Variants in PHF8 observed in about 807,000 individuals in gnomAD.
PHF8 encodes PHD finger protein 8, also known as histone lysine demethylase PHF8.
In PHF8, 9 loss-of-function variants were observed where a neutral mutation model predicts 74.4. That is an observed-to-expected ratio of 0.12 (90% CI 0.07 to 0.21). PHF8 has a LOEUF of 0.21. Among genes scored for constraint, PHF8 ranks in the 10% least tolerant of loss-of-function variants. PHF8 has a pLI of 1.00. For synonymous variants in PHF8, 311 were observed against 316.6 expected, an observed-to-expected ratio of 0.98 and a Z score of 0.19; for missense variants, 478 against 816.6, an observed-to-expected ratio of 0.59 and a Z score of 5.05.
At position 53,944,158 on chromosome X, in the gene PHF8, T is replaced by C; in HGVS notation, c.2625A>G (p.Ala875=). The change falls in exon 20 of 22, where the codon GCA becomes GCG. Residue 875 remains alanine (A), a synonymous_variant. Coordinates refer to ENST00000338154, the MANE Select transcript of PHF8 (RefSeq NM_015107.3). ...CCTGCTGGGCCAGCTTTGCAGCTGC[T>C]GCAGCCAAACCTGTCTCAATAGAGG... is the stretch of plus-strand genomic sequence containing the variant. ...RVASIETGLA[A]AAAKLAQQEL... 1 of 1,205,410 alleles carries C rather than the reference T, an allele frequency of 8.3e-7. No individual in the cohort carries two copies.
Position 53,938,764 on chromosome X carries a change from T to A in PHF8, c.*394A>T. On this transcript the variant is annotated 3_prime_UTR_variant, in exon 22 of 22. Transcript: ENST00000338154. ...GATATAGGGCTAGAGTTGCAGAAAG[T>A]GTCAAGCACTGGGCTTCCCACTTCA... 1.3e-6 allele frequency: 1 copy of A among 773,431 alleles called. No individual in the cohort carries two copies. Among genetic ancestry groups the A allele is most frequent in the Non-Finnish European group, 1.5e-6 (1 of 652,289 alleles). The allele number at this position is 773,431 out of a possible 1,213,427, so 63.7% of individuals were successfully genotyped here.
chrX:53,947,588 G>C (rs1215415559), intron 19 of PHF8, among the ~76,000 whole-genome samples: 8 of 112,188 alleles, frequency 7.1e-5, no homozygotes, highest in Non-Finnish European at 1.5e-4. Context: ...TTTTGTATGT[G>C]TGGTGGTTTT....
intron 4 of PHF8, 62 bp downstream of exon 4, chrX:54,022,197 A>T (rs2066189267): frequency 1.5e-6 from 1 of 646,502 alleles, no homozygotes; most frequent in Non-Finnish European, 2.6e-6. Context: ...AGCTGGGAAG[A>T]GGTGAGTTCC....
intron 20 of PHF8, chrX:53,942,756 C>G: frequency 1.3e-6 from 1 of 752,805 alleles, no homozygotes. Context: ...GGTAAGGGAT[C>G]TGATAGGGTA....
chrX:54,023,579 C>T (rs1300256237), intron 2 of PHF8, among the ~76,000 whole-genome samples: 1 of 109,329 alleles, frequency 9.1e-6, no homozygotes, highest in African/African-American at 3.3e-5. Flanking sequence ...TAAAATTAAA[C>T]ACCTAGGCCA....
chrX:54,041,975 A>C (rs1309564015), intron 2 of PHF8, among the ~76,000 whole-genome samples: 14 of 112,220 alleles, frequency 1.2e-4, no homozygotes, highest in African/African-American at 4.5e-4. Flanking sequence ...TTTTCCCAAA[A>C]GCCAGTGTGT....
intron 20 of PHF8, among the ~76,000 whole-genome samples, chrX:53,942,388 G>A (rs1335994094): frequency 8.9e-6 from 1 of 112,146 alleles, no homozygotes; most frequent in Admixed American, 9.5e-5. Context: ...TTGCCCAAAT[G>A]GTAGAACTAT....
At chrX:53,993,073 G>C (rs972892552) in intron 13 of PHF8, 2 of 400,159 alleles carry the variant, frequency 5.0e-6, no homozygotes, top group Non-Finnish European at 8.8e-6. Flanking sequence ...TAAAAAAGAG[G>C]GGGCACATCT....
intron 1 of PHF8, chrX:54,043,062 T>G: frequency 7.5e-6 from 3 of 402,612 alleles, no homozygotes; most frequent in Non-Finnish European, 7.3e-6. Context: ...CCCCACCTTC[T>G]TCGGCCCCGT....
At chrX:53,985,490 C>T (rs2065548389) in intron 17 of PHF8, among the ~76,000 whole-genome samples, 2 of 111,547 alleles carry the variant, frequency 1.8e-5, no homozygotes, top group Admixed American at 1.9e-4. Context: ...GCACACTTCC[C>T]TCCCTGTTTA....
chrX:54,031,298 C>T (rs781915635), intron 2 of PHF8, among the ~76,000 whole-genome samples: 1 of 110,649 alleles, frequency 9.0e-6, no homozygotes, highest in Non-Finnish European at 1.9e-5. Context: ...TGTCTGGCTT[C>T]TTATCTCCTC....
chrX:54,033,989 G>A (rs1557113290), intron 2 of PHF8, among the ~76,000 whole-genome samples: 1 of 111,145 alleles, frequency 9.0e-6, no homozygotes, highest in South Asian at 3.7e-4. Context: ...AGAAGATATA[G>A]AAAAGAATCT....
At chrX:53,950,836 C>T (rs919124363) in intron 19 of PHF8, among the ~76,000 whole-genome samples, 4 of 112,056 alleles carry the variant, frequency 3.6e-5, no homozygotes, top group Non-Finnish European at 5.6e-5. Context: ...AGAGTTGCCA[C>T]GGCATTTAAA....
At chrX:53,949,270 G>A (rs1381262215) in intron 19 of PHF8, among the ~76,000 whole-genome samples, 1 of 110,452 alleles carries the variant, frequency 9.1e-6, no homozygotes, top group Non-Finnish European at 1.9e-5. Context: ...CGAGGGCAGA[G>A]ATTGCAGTGA....
chrX:53,965,164 T>TGCACACACACACACGCAC (rs1419460364), intron 18 of PHF8, among the ~76,000 whole-genome samples: 19 of 111,233 alleles, frequency 1.7e-4, no homozygotes, highest in Admixed American at 2.8e-4. Context: ...CGTGCACGTG[T>TGCACACACACACACGCAC]GCACACACAC....
chrX:53,978,940 T>C (rs1557097099), intron 18 of PHF8, among the ~76,000 whole-genome samples: 1 of 109,367 alleles, frequency 9.1e-6, no homozygotes, highest in Non-Finnish European at 1.9e-5. Flanking sequence ...TGCTCGGGAG[T>C]AGAGGGAAGG....
At chrX:53,966,852 G>A (rs1379696318) in intron 18 of PHF8, among the ~76,000 whole-genome samples, 3 of 104,019 alleles carry the variant, frequency 2.9e-5, no homozygotes, top group East Asian at 3.2e-4. Context: ...GCCGCCCATC[G>A]TCTGAGATGT....
At chrX:54,017,142 T>C (rs781812339) in intron 5 of PHF8, among the ~76,000 whole-genome samples, 1 of 112,266 alleles carries the variant, frequency 8.9e-6, no homozygotes, top group South Asian at 3.7e-4. Context: ...CAACCTGGGG[T>C]TTTATGGACT....
intron 18 of PHF8, among the ~76,000 whole-genome samples, chrX:53,963,806 C>T (rs1427467390): frequency 3.6e-5 from 4 of 111,994 alleles, no homozygotes; most frequent in African/African-American, 1.3e-4. Flanking sequence ...ATTAGTTCAA[C>T]CACTGTGGAA....
Sources: allele counts gnomAD v4.1 joint callset (sites outside exome capture counted in the v4.1 genomes callset), GRCh38; gene constraint gnomAD v4.1.1; transcripts MANE v1.5; gene names NCBI Gene and HGNC (gene_info 2026-07-23, HGNC 2026-07-21).